Variants in GALNT10 observed in about 807,000 individuals in gnomAD.
GALNT10 encodes polypeptide N-acetylgalactosaminyltransferase 10.
In GALNT10, 41 loss-of-function variants were observed where a neutral mutation model predicts 75.0. The ratio of observed to expected loss-of-function variants is 0.55; its 90% confidence interval spans 0.43 to 0.71. The LOEUF (loss-of-function observed/expected upper bound fraction) is 0.71. Among genes scored for constraint, GALNT10 ranks in the 30% least tolerant of loss-of-function variants. The probability of loss-of-function intolerance (pLI) is 0.00; values close to 1 mark genes in which losing one functional copy is unlikely to be tolerated. For missense variants in GALNT10, 727 were observed against 818.5 expected, an observed-to-expected ratio of 0.89 and a Z score of 1.36; for synonymous variants, 302 against 313.0, an observed-to-expected ratio of 0.96 and a Z score of 0.37.
At chr5:154,206,984 T>C (rs961636934) in intron 1 of GALNT10, among the ~76,000 whole-genome samples, 11 of 152,252 alleles carry the variant, frequency 7.2e-5, no homozygotes, top group African/African-American at 2.7e-4. Context: ...CCAGATGCTA[T>C]GCTAGGTTCT....
chr5:154,308,008 TTATTCACAAA>T (rs1312371815), intron 3 of GALNT10, among the ~76,000 whole-genome samples: 1 of 148,406 alleles, frequency 6.7e-6, no homozygotes, highest in East Asian at 2.0e-4. Flanking sequence ...ATAGAGATCT[TTATTCACAAA>T]GAATAAAGAT....
rs1211444053 is a variant in GALNT10 at position 154,249,524 on chromosome 5, C to T, written c.160-45292C>T. Among the ~76,000 whole-genome samples, 15 of 152,204 alleles carry T rather than the reference C, an allele frequency of 9.9e-5. No individual in the cohort carries two copies. The East Asian group carries it at 2.7e-3, about 27-fold the overall frequency. On this transcript the variant is annotated intron_variant, in intron 1 of 11. Transcript: ENST00000297107. ...CCATTCTCTCCTACTCTTTTTTAAT[C>T]CTATGCCCACCACCAGTAAGACCAA...
At chr5:154,218,348 G>A (rs1327759677) in intron 1 of GALNT10, among the ~76,000 whole-genome samples, 2 of 152,106 alleles carry the variant, frequency 1.3e-5, no homozygotes, top group African/African-American at 2.4e-5. Flanking sequence ...CCATGGGCTC[G>A]GGGATCAATA....
chr5:154,193,151 G>C (rs558183172), intron 1 of GALNT10, among the ~76,000 whole-genome samples: 1 of 149,734 alleles, frequency 6.7e-6, no homozygotes, highest in Non-Finnish European at 1.5e-5. Flanking sequence ...GGTGAAGGGG[G>C]TTTGGGGGTT....
At chr5:154,197,757 C>T (rs1000242091) in intron 1 of GALNT10, among the ~76,000 whole-genome samples, 1 of 152,144 alleles carries the variant, frequency 6.6e-6, no homozygotes, top group African/African-American at 2.4e-5. Context: ...TTATTTAGCA[C>T]TTACTCTGCT....
intron 1 of GALNT10, among the ~76,000 whole-genome samples, chr5:154,229,669 C>G (rs1476973925): frequency 6.6e-6 from 1 of 152,070 alleles, no homozygotes; most frequent in African/African-American, 2.4e-5. Flanking sequence ...GGAGGCGCAC[C>G]TTGCGGTGAG....
chr5:154,369,100 A>T (rs1379052700), intron 4 of GALNT10, among the ~76,000 whole-genome samples: 1 of 152,238 alleles, frequency 6.6e-6, no homozygotes, highest in African/African-American at 2.4e-5. Flanking sequence ...CACAAGAATG[A>T]AATGAGGCCA....
intron 1 of GALNT10, among the ~76,000 whole-genome samples, chr5:154,241,092 G>T (rs955619179): frequency 5.9e-5 from 9 of 152,134 alleles, no homozygotes; most frequent in African/African-American, 1.9e-4. Context: ...CCTGATAGAT[G>T]GTCTATTTCA....
intron 4 of GALNT10, among the ~76,000 whole-genome samples, chr5:154,338,784 C>A (rs11959324): frequency 0.2 from 30,753 of 152,084 alleles, 3,296 homozygotes; most frequent in African/African-American, 0.27. Flanking sequence ...GACATAGAGA[C>A]AGGTGTCAAG....
In GALNT10 at chr5:154,404,212, G is replaced by A; in HGVS notation, c.1164+1G>A. The A allele has an allele frequency of 3.2e-6, 5 of 1,577,730 alleles. No homozygotes were observed. Among genetic ancestry groups the A allele is most frequent in the Non-Finnish European group, 4.3e-6 (5 of 1,157,748 alleles). On this transcript the variant is annotated splice_donor_variant, in intron 8 of 11. Transcript: ENST00000297107. LOFTEE classifies it high-confidence loss of function. ...CCCGGCCGGAGTCAGCCTGGCCCGG[G>A]TAAGGTGGTGGCTTTCCTTGGCGGG...
In GALNT10 at chr5:154,329,360, T is replaced by C. The variant is rs1754806427; in HGVS notation, c.402-212T>C. 12 of 554,646 alleles carry C rather than the reference T, an allele frequency of 2.2e-5. No individual in the cohort carries two copies. In the South Asian group the frequency reaches 2.9e-4, roughly 13 times the overall value. The allele number at this position is 554,646 out of a possible 1,614,324, so 34.4% of individuals were successfully genotyped here. On this transcript the variant is annotated intron_variant, in intron 3 of 11. Transcript: ENST00000297107. ...CAAACTCAGGGAGGTCTTTTATACA[T>C]ATCCGCGTGTGCTGTATATGCAGAG... is the stretch of plus-strand genomic sequence containing the variant.
rs1316449803 is a variant in GALNT10 at position 154,210,857 on chromosome 5, G to T, written c.159+19832G>T. ...GTGAAGTTTCTTGATTTTGTTGTCT[G>T]TATTCTTAGAAAATGCACACTGAAG... On this transcript the variant is annotated intron_variant, in intron 1 of 11. Coordinates refer to ENST00000297107, the MANE Select transcript of GALNT10 (RefSeq NM_198321.4). Among the ~76,000 whole-genome samples, 5 of 152,322 alleles carry T rather than the reference G, an allele frequency of 3.3e-5. No individual in the cohort carries two copies. In the South Asian group the frequency reaches 6.2e-4, roughly 19 times the overall value.
At chr5:154,235,068 GT>G (rs1294992447) in intron 1 of GALNT10, among the ~76,000 whole-genome samples, 1 of 152,190 alleles carries the variant, frequency 6.6e-6, no homozygotes, top group Non-Finnish European at 1.5e-5. Flanking sequence ...TAGTGAGAAA[GT>G]GGGACAGTTC....
chr5:154,195,889 A>G (rs1012700455), intron 1 of GALNT10, among the ~76,000 whole-genome samples: 2 of 150,920 alleles, frequency 1.3e-5, no homozygotes, highest in Non-Finnish European at 3.0e-5. Context: ...ATTTTTGTAC[A>G]TTTTCTTTCC....
chr5:154,338,007 C>A (rs1385017769), intron 4 of GALNT10: 7 of 1,563,828 alleles, frequency 4.5e-6, no homozygotes, highest in Middle Eastern at 2.3e-4. Context: ...CTTGCCACTG[C>A]CTCGATCAGT....
At chr5:154,219,819 C>G (rs1245348086) in intron 1 of GALNT10, 1 of 101,828 alleles carries the variant, frequency 9.8e-6, no homozygotes, top group Middle Eastern at 4.0e-3. Flanking sequence ...CGCGCTCTCT[C>G]TCTCTCTCTC....
chr5:154,364,051 A>C (rs1016419341), intron 4 of GALNT10, among the ~76,000 whole-genome samples: 8 of 152,208 alleles, frequency 5.3e-5, no homozygotes, highest in Non-Finnish European at 1.5e-5. Context: ...CAAGTCCCAA[A>C]TCAGAACATG....
At chr5:154,389,573 C>T (rs1000713712) in intron 7 of GALNT10, 2 of 147,778 alleles carry the variant, frequency 1.4e-5, no homozygotes, top group African/African-American at 5.0e-5. Flanking sequence ...CAAAGCGAGA[C>T]TCCATGTCAA....
At chr5:154,327,843 A>G (rs553642968) in intron 3 of GALNT10, among the ~76,000 whole-genome samples, 3 of 152,248 alleles carry the variant, frequency 2.0e-5, no homozygotes, top group Non-Finnish European at 4.4e-5. Context: ...AAAAGGAAAG[A>G]CAACTGGACA....
Sources: allele counts gnomAD v4.1 joint callset (sites outside exome capture counted in the v4.1 genomes callset), GRCh38; gene constraint gnomAD v4.1.1; transcripts MANE v1.5; gene names NCBI Gene and HGNC (gene_info 2026-07-23, HGNC 2026-07-21).